ATXN1: variants seen among roughly 807,000 people sequenced by gnomAD.
ATXN1 encodes ataxin 1.
ATXN1 carries 8 observed loss-of-function variants against 56.4 expected under a neutral mutation model. The observed-to-expected ratio is 0.14, with a 90% CI of 0.08 to 0.26. The LOEUF (loss-of-function observed/expected upper bound fraction) is 0.26, where lower values mean the gene tolerates loss of function less well. Ranked by LOEUF, ATXN1 falls within the 10% of genes least tolerant of loss-of-function variation. The probability of loss-of-function intolerance (pLI) is 1.00; values close to 1 mark genes in which losing one functional copy is unlikely to be tolerated. For missense variants in ATXN1, 987 were observed against 1,106.5 expected (o/e 0.89, Z 1.53); for synonymous variants, 514 against 494.6 (o/e 1.04, Z -0.52).
At chr6:16,709,404 A>G (rs1759477780) in intron 2 of ATXN1, among the ~76,000 whole-genome samples, 1 of 152,180 alleles carries the variant, frequency 6.6e-6, no homozygotes, top group Non-Finnish European at 1.5e-5. Flanking sequence ...GCTATATGTT[A>G]AGAAATTGAA....
chr6:16,714,128 C>A (rs1759583843), intron 2 of ATXN1, among the ~76,000 whole-genome samples: 1 of 150,668 alleles, frequency 6.6e-6, no homozygotes, highest in African/African-American at 2.5e-5. Context: ...CCATGCCAGC[C>A]TGGGCGACAG....
chr6:16,755,037 GGA>G (rs2113540814), intron 1 of ATXN1, among the ~76,000 whole-genome samples: 1 of 152,286 alleles, frequency 6.6e-6, no homozygotes, highest in South Asian at 2.1e-4. Context: ...TCACCAGTTG[GGA>G]GAGTGTTTGC....
intron 6 of ATXN1, among the ~76,000 whole-genome samples, chr6:16,396,719 C>G (rs1023551919): frequency 6.6e-6 from 1 of 152,132 alleles, no homozygotes; most frequent in African/African-American, 2.4e-5. Context: ...ACTGACTCAC[C>G]CAGAGCAACT....
chr6:16,325,634 C>A (rs1336399273), intron 7 of ATXN1, among the ~76,000 whole-genome samples: 1 of 152,158 alleles, frequency 6.6e-6, no homozygotes, highest in African/African-American at 2.4e-5. Context: ...CCCCACTTTA[C>A]GGTGTTCTAC....
chr6:16,734,259 G>A (rs557792602), intron 2 of ATXN1, among the ~76,000 whole-genome samples: 1 of 152,258 alleles, frequency 6.6e-6, no homozygotes, highest in East Asian at 1.9e-4. Flanking sequence ...TCATTTGAGT[G>A]AGGCAAAAAT....
Position 16,732,089 on chromosome 6 carries a change from C to T in ATXN1, c.-615+21144G>A, listed in dbSNP as rs367943114. ...TGTTTTTGAGACAATGGACTAACTG[C>T]AACAAAGTGTCATATGTAGCTCTTT... On this transcript the variant is annotated intron_variant, in intron 2 of 7. Transcript: ENST00000436367. Among the ~76,000 whole-genome samples the T allele has an allele frequency of 1.1e-4, 17 of 152,278 alleles. No homozygotes were observed. The East Asian group carries it at 2.5e-3, about 22-fold the overall frequency.
At chr6:16,437,065 G>C (rs2113590902) in intron 6 of ATXN1, among the ~76,000 whole-genome samples, 1 of 152,294 alleles carries the variant, frequency 6.6e-6, no homozygotes, top group East Asian at 1.9e-4. Flanking sequence ...AGAATATCAA[G>C]AGTTCATCCC....
chr6:16,556,915 T>A (rs917146266), intron 4 of ATXN1, among the ~76,000 whole-genome samples: 4 of 152,060 alleles, frequency 2.6e-5, no homozygotes, highest in African/African-American at 9.7e-5. Flanking sequence ...CAAAAGAATA[T>A]ACAAAAATCA....
intron 2 of ATXN1, among the ~76,000 whole-genome samples, chr6:16,684,396 A>G (rs2113406068): frequency 6.6e-6 from 1 of 152,306 alleles, no homozygotes; most frequent in East Asian, 1.9e-4. Context: ...ATTGCCTAAT[A>G]GCTGTTGTAA....
intron 2 of ATXN1, among the ~76,000 whole-genome samples, chr6:16,727,723 A>T (rs183185152): frequency 6.6e-6 from 1 of 152,302 alleles, no homozygotes; most frequent in African/African-American, 2.4e-5. Flanking sequence ...TAGCATAAAA[A>T]ATCTTTTCTT....
At chr6:16,347,832 G>GC (rs1007439427) in intron 6 of ATXN1, among the ~76,000 whole-genome samples, 6 of 152,222 alleles carry the variant, frequency 3.9e-5, no homozygotes, top group African/African-American at 1.2e-4. Context: ...GCCCGAGCCA[G>GC]CAGTGGTAAC....
At chr6:16,745,924 T>C (rs899470093) in intron 2 of ATXN1, among the ~76,000 whole-genome samples, 1 of 140,942 alleles carries the variant, frequency 7.1e-6, no homozygotes, top group South Asian at 2.3e-4. Flanking sequence ...TCTTAAATGC[T>C]ATGCCTTCCG....
At chr6:16,738,853 A>C (rs1009247913) in intron 2 of ATXN1, 4 of 152,270 alleles carry the variant, frequency 2.6e-5, no homozygotes, top group African/African-American at 9.6e-5. Context: ...TGTCAGAACA[A>C]GAACTGCTTT....
chr6:16,492,029 A>G (rs931217922), intron 5 of ATXN1, among the ~76,000 whole-genome samples: 2 of 152,154 alleles, frequency 1.3e-5, no homozygotes, highest in African/African-American at 2.4e-5. Context: ...AAAAAGGACC[A>G]TGAGCTCCAG....
At chr6:16,431,392 A>C (rs1339700733) in intron 6 of ATXN1, among the ~76,000 whole-genome samples, 1 of 152,142 alleles carries the variant, frequency 6.6e-6, no homozygotes, top group African/African-American at 2.4e-5. Flanking sequence ...TATTCCTGGA[A>C]TGTTATAAGA....
rs1760721553 is a variant in ATXN1 at position 16,751,620 on chromosome 6, A to C, written c.-615+1613T>G. 3.3e-5 allele frequency among the ~76,000 whole-genome samples: 5 copies of C among 151,942 alleles called. No individual in the cohort carries two copies. The South Asian group carries it at 1.0e-3, about 32-fold the overall frequency. On this transcript the variant is annotated intron_variant, in intron 2 of 7. Transcript: ENST00000436367. ...AAAAAAACCACACATGCATCCCATC[A>C]GTCAGAGAGTTGTGATAAATTCAGA...
At chr6:16,562,453 A>AAGGAAAGGAAAGGAAAGGAAAGGAG (rs70999338) in intron 4 of ATXN1, among the ~76,000 whole-genome samples, 63 of 114,696 alleles carry the variant, frequency 5.5e-4, no homozygotes, top group African/African-American at 2.6e-3. Flanking sequence ...AAAGAAAGAA[A>AAGGAAAGGAAAGGAAAGGAAAGGAG]AGGAGAGGAG....
At chr6:16,372,042 A>T (rs1253948803) in intron 6 of ATXN1, among the ~76,000 whole-genome samples, 3 of 152,254 alleles carry the variant, frequency 2.0e-5, no homozygotes, top group African/African-American at 7.2e-5. Flanking sequence ...AGTTACATGT[A>T]TGTGATATTG....
chr6:16,402,589 C>G (rs1235408825), intron 6 of ATXN1, among the ~76,000 whole-genome samples: 1 of 152,144 alleles, frequency 6.6e-6, no homozygotes, highest in African/African-American at 2.4e-5. Flanking sequence ...AGCACCAGAT[C>G]TATAATGCAT....
Sources: gnomAD v4.1 joint callset for allele counts (sites outside exome capture counted in the v4.1 genomes callset) on GRCh38, gnomAD v4.1.1 for gene constraint, MANE v1.5 for transcripts, NCBI Gene and HGNC (gene_info 2026-07-23, HGNC 2026-07-21) for gene names.